The following SNX12 variants were observed in gnomAD, a reference collection of about 807,000 sequenced individuals.
SNX12 encodes the protein sorting nexin-12.
For synonymous variants in SNX12, 47 were observed against 56.0 expected, an observed-to-expected ratio of 0.84 and a Z score of 0.71; for missense variants, 62 against 141.3, an observed-to-expected ratio of 0.44 and a Z score of 2.84.
chrX:71,065,182 C>G (rs2092147010), intron 1 of SNX12, among the ~76,000 whole-genome samples: 1 of 109,013 alleles, frequency 9.2e-6, no homozygotes, highest in African/African-American at 3.3e-5. Flanking sequence ...CCAGCCTGGC[C>G]AACATGGTGA....
At chrX:71,072,494 G>C (rs766234575), upstream of SNX12, among the ~76,000 whole-genome samples, 1 of 111,506 alleles carries the variant, frequency 9.0e-6, no homozygotes, top group Admixed American at 9.6e-5. Context: ...TAGAGTCCTG[G>C]GAGTAGAATC....
At chrX:71,065,729 G>A (rs1175712775) in intron 1 of SNX12, among the ~76,000 whole-genome samples, 2 of 109,648 alleles carry the variant, frequency 1.8e-5, no homozygotes, top group Admixed American at 9.7e-5. Flanking sequence ...ACTTGAACCC[G>A]GGAGGCAGAG....
intron 1 of SNX12, among the ~76,000 whole-genome samples, chrX:71,067,805 C>T (rs956101143): frequency 9.0e-6 from 1 of 110,898 alleles, no homozygotes; most frequent in African/African-American, 3.3e-5. Flanking sequence ...CTCTTCCATC[C>T]TCCCTCCCTT....
chrX:71,072,980 T>A (rs940491221), upstream of SNX12, among the ~76,000 whole-genome samples: 10 of 101,291 alleles, frequency 9.9e-5, no homozygotes, highest in Non-Finnish European at 1.6e-4. Context: ...AGTTCAGAGT[T>A]ACTAAGTGAT....
At chrX:71,062,622 C>G (rs1370568283) in intron 2 of SNX12, among the ~76,000 whole-genome samples, 1 of 111,906 alleles carries the variant, frequency 8.9e-6, no homozygotes, top group Non-Finnish European at 1.9e-5. Flanking sequence ...ATCCGCCCGC[C>G]TCAGCCTCCC....
Position 71,060,175 on chromosome X carries a change from G to A in SNX12, c.*841C>T, listed in dbSNP as rs2092126040. The A allele has an allele frequency of 2.7e-5, 3 of 112,221 alleles. No homozygotes were observed. The highest frequency in any genetic ancestry group is 6.5e-5 in the African/African-American group (2 of 30,800). 9.2% of individuals were successfully genotyped at this position (112,221 alleles called of 1,213,427 possible). A position where few individuals can be genotyped will look rare whatever the true frequency, so the allele number is the denominator to read the frequency against. On this transcript the variant is annotated 3_prime_UTR_variant, in exon 4 of 4. Transcript: ENST00000374274. The stretch of plus-strand genomic sequence containing the variant: ...CCACCCTTCAGGGAGTTACCTGGCA[G>A]TGGTGAGTTGCCCCCACCCCTCAAG...
intron 2 of SNX12, among the ~76,000 whole-genome samples, chrX:71,062,368 C>CTTTTTTTT (rs761195647): frequency 7.0e-5 from 5 of 71,395 alleles, no homozygotes; most frequent in Non-Finnish European, 1.0e-4. Flanking sequence ...TTACCACTTT[C>CTTTTTTTT]TTTTTTTTTT....
upstream of SNX12, among the ~76,000 whole-genome samples, chrX:71,072,115 G>A (rs1449014907): frequency 9.1e-6 from 1 of 110,361 alleles, no homozygotes; most frequent in African/African-American, 3.3e-5. Context: ...AAAATTAGAC[G>A]GGCGAGGTGG....
At position 71,062,917 on chromosome X, in the gene SNX12, G is replaced by A. The variant is rs1215797362; in HGVS notation, c.198C>T (p.Ser66=). ...TNLPIFKLKE[S]CVRRRYSDFE... Reference sequence around the variant, plus strand: ...AGTCACTGTAGCGCCGCCGTACGCAGGACTCCTTTAGCTTGAAGATAGGTA... The same window carrying A: ...AGTCACTGTAGCGCCGCCGTACGCAAGACTCCTTTAGCTTGAAGATAGGTA... Residue 66 remains serine (S), a synonymous_variant, in exon 2 of 4, where the codon TCC becomes TCT. Coordinates refer to ENST00000374274, the MANE Select transcript of SNX12 (RefSeq NM_013346.4). The A allele has an allele frequency of 1.7e-6, 2 of 1,204,119 alleles. No homozygotes were observed. The highest frequency in any genetic ancestry group is 3.5e-5 in the African/African-American group (2 of 56,836).
At chrX:71,061,665 G>A (rs763560015) in intron 3 of SNX12, among the ~76,000 whole-genome samples, 178 bp downstream of exon 3, 18 of 109,986 alleles carry the variant, frequency 1.6e-4, no homozygotes, top group East Asian at 5.8e-4. Context: ...CCCAGGAGAC[G>A]GAGGTTGCAG....
chrX:71,073,091 A>T (rs1265351576), upstream of SNX12, among the ~76,000 whole-genome samples: 2 of 109,231 alleles, frequency 1.8e-5, no homozygotes, highest in African/African-American at 6.7e-5. Flanking sequence ...AGCTGAGTCA[A>T]ATCTCTTGAC....
At chrX:71,072,744 C>T (rs931907190), upstream of SNX12, among the ~76,000 whole-genome samples, 1 of 110,409 alleles carries the variant, frequency 9.1e-6, no homozygotes, top group African/African-American at 3.3e-5. Context: ...ATCAAATGGC[C>T]CTAGGAGAAT....
upstream of SNX12, among the ~76,000 whole-genome samples, chrX:71,071,053 T>G (rs2092170095): frequency 9.0e-6 from 1 of 111,153 alleles, no homozygotes; most frequent in African/African-American, 3.3e-5. Flanking sequence ...TTCTTGTTTT[T>G]AAGAGCAAAT....
At chrX:71,068,462 G>A, upstream of SNX12, 2 of 364,008 alleles carry the variant, frequency 5.5e-6, no homozygotes. Flanking sequence ...CACGCCGCAC[G>A]GGCCTGGGCC....
Position 71,059,289 on chromosome X carries a change from T to C in SNX12, c.*1727A>G, listed in dbSNP as rs1355272320. 1 of 112,049 alleles carries C rather than the reference T, an allele frequency of 8.9e-6. No individual in the cohort carries two copies. The highest frequency in any genetic ancestry group is 2.8e-4 in the East Asian group (1 of 3,597). The allele number at this position is 112,049 out of a possible 1,213,427, so 9.2% of individuals were successfully genotyped here. A position where few individuals can be genotyped will look rare whatever the true frequency, so the allele number is the denominator to read the frequency against. ...AATATGAACAGAGTTGAATATGACA[T>C]TGTCTGACAGAAGAATGAACAGTTT... On this transcript the variant is annotated 3_prime_UTR_variant, in exon 4 of 4. Transcript: ENST00000374274.
rs1782747597 is a variant in SNX12, at chrX:71,059,463, TGGC to T, written c.*1550_*1552del. 8.9e-6 allele frequency: 1 copy of T among 111,807 alleles called. No homozygotes were observed. The highest frequency in any genetic ancestry group is 3.3e-5 in the African/African-American group (1 of 30,734). The allele number at this position is 111,807 out of a possible 1,213,427, so 9.2% of individuals were successfully genotyped here. ...ATCAAAAAGGCAGCAACAACAACATTGGCGAGGTGGGAAAGGGAGCAGAGCCTC... is the reference window on the plus strand; with the variant it reads ...ATCAAAAAGGCAGCAACAACAACATTGAGGTGGGAAAGGGAGCAGAGCCTC... On this transcript the variant is annotated 3_prime_UTR_variant, in exon 4 of 4. Coordinates refer to ENST00000374274, the MANE Select transcript of SNX12 (RefSeq NM_013346.4).
upstream of SNX12, among the ~76,000 whole-genome samples, chrX:71,071,869 C>T (rs1341106079): frequency 9.6e-6 from 1 of 103,750 alleles, no homozygotes; most frequent in African/African-American, 3.5e-5. Flanking sequence ...TCTAAAGGAT[C>T]TGATTTTTTA....
chrX:71,071,696 TATATA>T (rs2092174384), upstream of SNX12, among the ~76,000 whole-genome samples: 1 of 70,540 alleles, frequency 1.4e-5, no homozygotes, highest in East Asian at 3.9e-4. Flanking sequence ...TATATATAAA[TATATA>T]ATATATAGAT....
In SNX12 at chrX:71,062,211, T is replaced by C. The variant is rs1421780426; in HGVS notation, c.262-244A>G. On this transcript the variant is annotated intron_variant, in intron 2 of 3. Transcript: ENST00000374274. ...AATAAACTCCAAATAATCCTCACTT[T>C]CCTTAACAAGCCACTACCATTCAAG... Among the ~76,000 whole-genome samples, 3 of 110,625 alleles carry C rather than the reference T, an allele frequency of 2.7e-5. No homozygotes were observed. In the East Asian group the frequency reaches 8.5e-4, roughly 31 times the overall value.
Sources: gnomAD v4.1 joint callset for allele counts (sites outside exome capture counted in the v4.1 genomes callset) on GRCh38, gnomAD v4.1.1 for gene constraint, MANE v1.5 for transcripts, NCBI Gene and HGNC (gene_info 2026-07-23, HGNC 2026-07-21) for gene names.